PLA2R1: variants seen among roughly 807,000 people sequenced by gnomAD.
PLA2R1 encodes secretory phospholipase A2 receptor.
PLA2R1 carries 158 observed loss-of-function variants against 195.9 expected under a neutral mutation model. The observed-to-expected ratio is 0.81, with a 90% CI of 0.71 to 0.92. The LOEUF (loss-of-function observed/expected upper bound fraction) is 0.92. Ranked by LOEUF, PLA2R1 falls within the 40% of genes least tolerant of loss-of-function variation. The pLI, the probability that PLA2R1 is intolerant of heterozygous loss-of-function variation, is 0.00. For synonymous variants in PLA2R1, 586 were observed against 598.2 expected (o/e 0.98, Z 0.30); for missense variants, 1,626 against 1,764.6 (o/e 0.92, Z 1.41).
chr2:159,970,253 T>C, intron 17 of PLA2R1, 41 bp from the exon 18 acceptor site: 1 of 1,449,924 alleles, frequency 6.9e-7, no homozygotes, highest in Non-Finnish European at 9.6e-7. Flanking sequence ...CTACTTGTTT[T>C]CCTTTTTCAC....
rs1686680369 is a variant in PLA2R1, at chr2:159,933,584, A to T, written c.*8194T>A. On this transcript the variant is annotated 3_prime_UTR_variant, in exon 30 of 30. Transcript: ENST00000283243. ...ACATTGCATTGCACTTATCATTTAC[A>T]TATTCCTCTCCCCTGAGACTGAGTT... 6.6e-6 allele frequency: 1 copy of T among 151,776 alleles called. No homozygotes were observed. The highest frequency in any genetic ancestry group is 1.5e-5 in the Non-Finnish European group (1 of 67,968). The allele number at this position is 151,776 out of a possible 1,614,324, so 9.4% of individuals were successfully genotyped here.
intron 7 of PLA2R1, among the ~76,000 whole-genome samples, chr2:160,022,085 A>T (rs548490379): frequency 1.4e-4 from 22 of 152,352 alleles, no homozygotes; most frequent in African/African-American, 4.6e-4. Context: ...TATTTTTAAA[A>T]AACTGAAAAA....
intron 1 of PLA2R1, among the ~76,000 whole-genome samples, chr2:160,061,644 G>A (rs912042075): frequency 6.6e-6 from 1 of 152,068 alleles, no homozygotes; most frequent in Admixed American, 6.5e-5. Flanking sequence ...GCGTGCGGGC[G>A]CACACCTGTG....
intron 1 of PLA2R1, among the ~76,000 whole-genome samples, chr2:160,046,735 T>C (rs576636096): frequency 8.5e-4 from 129 of 151,770 alleles, no homozygotes; most frequent in Non-Finnish European, 4.9e-4. Context: ...GGGGGTGGGG[T>C]GGGGAAAATG....
At chr2:160,024,004 A>AC (rs1222240995) in intron 6 of PLA2R1, among the ~76,000 whole-genome samples, 2 of 150,968 alleles carry the variant, frequency 1.3e-5, no homozygotes, top group African/African-American at 2.5e-5. Flanking sequence ...CACCAGGGTC[A>AC]CCTACAGTTC....
At chr2:159,929,798 T>G (rs1475583045), downstream of PLA2R1, among the ~76,000 whole-genome samples, 2 of 150,878 alleles carry the variant, frequency 1.3e-5, no homozygotes, top group African/African-American at 5.0e-5. Flanking sequence ...TATATGTATA[T>G]GTATATATCT....
intron 6 of PLA2R1, among the ~76,000 whole-genome samples, chr2:160,023,704 A>G (rs1012458676): frequency 6.6e-6 from 1 of 152,110 alleles, no homozygotes; most frequent in Non-Finnish European, 1.5e-5. Context: ...TTCGCCTCCA[A>G]TTCTTTCTTG....
chr2:159,931,027 G>A (rs1189193984), downstream of PLA2R1, among the ~76,000 whole-genome samples: 1 of 152,148 alleles, frequency 6.6e-6, no homozygotes, highest in African/African-American at 2.4e-5. Flanking sequence ...CTAACTTTCT[G>A]TACATGGAAT....
In PLA2R1 at chr2:159,934,754, C is replaced by T. The variant is rs1362403682; in HGVS notation, c.*7024G>A. The T allele has an allele frequency of 6.6e-6, 1 of 152,076 alleles. No individual in the cohort carries two copies. Among genetic ancestry groups the T allele is most frequent in the Non-Finnish European group, 1.5e-5 (1 of 68,002 alleles). The allele number at this position is 152,076 out of a possible 1,614,324, so 9.4% of individuals were successfully genotyped here. On this transcript the variant is annotated 3_prime_UTR_variant, in exon 30 of 30. Transcript: ENST00000283243. ...CTTAGTCCAGAGAGTTCCTGTACAGCCTCCTTCAGCTTCTTCTAATGGTAC... is the reference window on the plus strand; with the variant it reads ...CTTAGTCCAGAGAGTTCCTGTACAGTCTCCTTCAGCTTCTTCTAATGGTAC...
intron 11 of PLA2R1, among the ~76,000 whole-genome samples, chr2:159,989,734 GCTTAT>G (rs1690628642): frequency 2.6e-5 from 4 of 152,118 alleles, no homozygotes; most frequent in African/African-American, 9.7e-5. Flanking sequence ...TTGCTATTAT[GCTTAT>G]GGCCATTTTC....
intron 2 of PLA2R1, among the ~76,000 whole-genome samples, chr2:160,042,841 G>A (rs9798092): frequency 8.9e-5 from 5 of 56,074 alleles, no homozygotes; most frequent in East Asian, 4.4e-4. Context: ...GTGTGTGTGT[G>A]TATGTGTGAG....
intron 9 of PLA2R1, among the ~76,000 whole-genome samples, chr2:160,013,791 C>A (rs1692552717): frequency 6.7e-6 from 1 of 149,990 alleles, no homozygotes; most frequent in African/African-American, 2.5e-5. Context: ...TATAAATGGT[C>A]CCGACAGGAG....
chr2:160,037,713 G>C (rs148629797), intron 3 of PLA2R1, among the ~76,000 whole-genome samples: 1 of 151,990 alleles, frequency 6.6e-6, no homozygotes, highest in Non-Finnish European at 1.5e-5. Flanking sequence ...ATGCATCTCC[G>C]TGTGAATATC....
rs955769482 is a variant in PLA2R1, at chr2:160,020,107, G to A, written c.1451C>T (p.Ser484Phe). The change falls in exon 8 of 30, where the codon TCT becomes TTT. Residue 484 changes from serine to phenylalanine, a missense_variant and splice_region_variant. Transcript: ENST00000283243. ...CACTGAACAAATGAATCAACTTACA[G>A]ACTGCTCTGCTGAGACACACAGCTG... ...RSQLCVSAEQ[S>F]EGHWKVKNCE... 1.9e-6 allele frequency: 3 copies of A among 1,610,878 alleles called. No individual in the cohort carries two copies. The South Asian group carries it at 3.3e-5, about 18-fold the overall frequency.
At chr2:160,023,883 GC>G (rs1351688170) in intron 6 of PLA2R1, among the ~76,000 whole-genome samples, 3 of 150,262 alleles carry the variant, frequency 2.0e-5, no homozygotes, top group African/African-American at 7.4e-5. Context: ...AACCCTTGCT[GC>G]CCCCACCCCC....
chr2:159,953,867 T>G (rs112619710), intron 23 of PLA2R1, among the ~76,000 whole-genome samples: 2,182 of 152,328 alleles, frequency 0.014, 42 homozygotes, highest in African/African-American at 0.05. Context: ...AGAGTCTCAC[T>G]CTGTAGCCCA....
Position 159,956,506 on chromosome 2 carries a change from C to T in PLA2R1, c.3022+4G>A. Reference sequence around the variant, plus strand: ...TTGGCCTGGTTGGATCTTGAGTACTCTACCTTGCTCCACCTCACTTTCAAT... The same window carrying T: ...TTGGCCTGGTTGGATCTTGAGTACTTTACCTTGCTCCACCTCACTTTCAAT... On this transcript the variant is annotated splice_donor_region_variant and intron_variant, in intron 21 of 29. Transcript: ENST00000283243. The T allele has an allele frequency of 6.5e-7, 1 of 1,532,226 alleles. No homozygotes were observed. The highest frequency in any genetic ancestry group is 9.0e-7 in the Non-Finnish European group (1 of 1,105,218). 94.9% of individuals were successfully genotyped at this position (1,532,226 alleles called of 1,614,324 possible).
chr2:160,038,871 G>C (rs1366193752), intron 3 of PLA2R1, among the ~76,000 whole-genome samples: 8 of 151,918 alleles, frequency 5.3e-5, no homozygotes, highest in Admixed American at 5.2e-4. Context: ...GGGCGGGAGC[G>C]GGGGCAGGCG....
intron 7 of PLA2R1, 151 bp from the exon 8 acceptor site, chr2:160,020,414 GTC>G (rs1693031613): frequency 1.6e-6 from 1 of 615,926 alleles, no homozygotes; most frequent in Non-Finnish European, 2.8e-6. Context: ...GGTATAAAAT[GTC>G]TGTTTAAACA....
Sources: allele counts gnomAD v4.1 joint callset (sites outside exome capture counted in the v4.1 genomes callset), GRCh38; gene constraint gnomAD v4.1.1; transcripts MANE v1.5; gene names NCBI Gene and HGNC (gene_info 2026-07-23, HGNC 2026-07-21).